The following MICU1 variants were observed in gnomAD, a reference collection of about 807,000 sequenced individuals.
MICU1 encodes calcium uptake protein 1, mitochondrial.
MICU1 carries 45 observed loss-of-function variants against 56.8 expected under a neutral mutation model. The observed-to-expected ratio is 0.79, with a 90% confidence interval of 0.62 to 1.02. The LOEUF (loss-of-function observed/expected upper bound fraction) is 1.02, where lower values mean the gene tolerates loss of function less well. MICU1 is among the 50% of genes least tolerant of loss of function. The pLI, the probability that MICU1 is intolerant of heterozygous loss-of-function variation, is 0.00. For missense variants in MICU1, 504 were observed against 587.1 expected, an observed-to-expected ratio of 0.86 and a Z score of 1.46; for synonymous variants, 186 against 195.1, an observed-to-expected ratio of 0.95 and a Z score of 0.39.
chr10:72,396,553 T>C (rs898927612), intron 10 of MICU1, among the ~76,000 whole-genome samples: 2 of 152,090 alleles, frequency 1.3e-5, no homozygotes, highest in African/African-American at 2.4e-5. Flanking sequence ...ATTAGACGAA[T>C]GGCTAATTAG....
intron 8 of MICU1, among the ~76,000 whole-genome samples, chr10:72,432,796 A>G (rs1564864898): frequency 6.6e-6 from 1 of 152,170 alleles, no homozygotes; most frequent in East Asian, 1.9e-4. Flanking sequence ...AGCCTCCAAC[A>G]TTGCGGGGGT....
At chr10:72,375,571 T>G (rs571528389) in intron 11 of MICU1, among the ~76,000 whole-genome samples, 37 of 152,314 alleles carry the variant, frequency 2.4e-4, no homozygotes, top group African/African-American at 8.7e-4. Flanking sequence ...ATTGGAATTA[T>G]AAGAAGAAGA....
chr10:72,553,395 G>A (rs746760508), intron 3 of MICU1, among the ~76,000 whole-genome samples: 37 of 152,062 alleles, frequency 2.4e-4, no homozygotes, highest in African/African-American at 5.1e-4. Flanking sequence ...CACCACGCCC[G>A]GCTAATTTTT....
chr10:72,369,568 G>A (rs1862257830), intron 11 of MICU1, among the ~76,000 whole-genome samples: 1 of 152,176 alleles, frequency 6.6e-6, no homozygotes, highest in East Asian at 1.9e-4. Context: ...GAGAGATGGT[G>A]AGGGGGTTTC....
intron 5 of MICU1, among the ~76,000 whole-genome samples, chr10:72,524,276 GT>G (rs1867905670): frequency 6.6e-6 from 1 of 152,006 alleles, no homozygotes; most frequent in African/African-American, 2.4e-5. Context: ...GCTTTTAAAT[GT>G]TTTCATAGAG....
At chr10:72,503,274 A>G (rs1867136853) in intron 6 of MICU1, among the ~76,000 whole-genome samples, 1 of 152,240 alleles carries the variant, frequency 6.6e-6, no homozygotes, top group African/African-American at 2.4e-5. Flanking sequence ...ATGAACCCAA[A>G]GACAAGAAAC....
At position 72,585,942 on chromosome 10, in the gene MICU1, GTTA is replaced by G. The variant is rs531650013; in HGVS notation, c.-1-19151_-1-19149del. Among the ~76,000 whole-genome samples the G allele has an allele frequency of 2.5e-3, 356 of 141,694 alleles. 1 individual carries two copies. The highest frequency in any genetic ancestry group is 6.6e-3 in the Admixed American group (93 of 14,194). The allele number at this position is 141,694 out of a possible 152,430, so 93.0% of individuals were successfully genotyped here. On this transcript the variant is annotated intron_variant, in intron 1 of 11. Coordinates refer to ENST00000361114, the MANE Select transcript of MICU1 (RefSeq NM_001195518.2). ...ATACAATGTAAATACTACGTAAATAGTTATTATACATTGTATTTTTAATTTGTA... is the reference window on the plus strand; with the variant it reads ...ATACAATGTAAATACTACGTAAATAGTTATACATTGTATTTTTAATTTGTA...
intron 6 of MICU1, among the ~76,000 whole-genome samples, chr10:72,505,996 C>A (rs1473476237): frequency 2.3e-4 from 32 of 138,360 alleles, no homozygotes; most frequent in African/African-American, 3.0e-4. Context: ...AACAAGCAAG[C>A]AAAAAAAAAA....
At chr10:72,529,428 T>C (rs1337202341) in intron 5 of MICU1, among the ~76,000 whole-genome samples, 1 of 152,184 alleles carries the variant, frequency 6.6e-6, no homozygotes, top group Non-Finnish European at 1.5e-5. Context: ...TTGAAAATAG[T>C]GTATAAACTA....
At chr10:72,576,225 C>CAAAAAAAAAAAAAAAAA (rs34829939) in intron 1 of MICU1, among the ~76,000 whole-genome samples, 7 of 68,184 alleles carry the variant, frequency 1.0e-4, no homozygotes, top group Admixed American at 3.9e-4. Flanking sequence ...AAAAAAACAC[C>CAAAAAAAAAAAAAAAAA]AAAAAAAAAA....
At chr10:72,373,676 AAAAGGGGGGACTTGAG>A (rs1307663983) in intron 11 of MICU1, among the ~76,000 whole-genome samples, 1 of 152,192 alleles carries the variant, frequency 6.6e-6, no homozygotes, top group Admixed American at 6.5e-5. Context: ...ACTTCTAGGG[AAAAGGGGGGACTTGAG>A]AAGCTAGTTG....
intron 8 of MICU1, among the ~76,000 whole-genome samples, chr10:72,455,350 CAAAAAAAAAAA>C (rs56378605): frequency 9.0e-5 from 4 of 44,204 alleles, no homozygotes; most frequent in Non-Finnish European, 1.7e-4. Flanking sequence ...GACTCTGTCT[CAAAAAAAAAAA>C]AAAAAAAAAA....
intron 10 of MICU1, among the ~76,000 whole-genome samples, chr10:72,388,103 C>T (rs1862952421): frequency 6.6e-6 from 1 of 152,150 alleles, no homozygotes; most frequent in Non-Finnish European, 1.5e-5. Context: ...CAGGTTTGAA[C>T]TTAAAACCAA....
chr10:72,472,287 C>T (rs1865975242), intron 8 of MICU1, among the ~76,000 whole-genome samples: 1 of 152,152 alleles, frequency 6.6e-6, no homozygotes, highest in Admixed American at 6.5e-5. Flanking sequence ...TATTTAGAAA[C>T]TGAGGTATTA....
At chr10:72,619,671 C>T (rs764867626) in intron 1 of MICU1, among the ~76,000 whole-genome samples, 1 of 152,090 alleles carries the variant, frequency 6.6e-6, no homozygotes, top group Non-Finnish European at 1.5e-5. Context: ...TTATGAGAAC[C>T]AACAAGGAAA....
At chr10:72,411,188 A>C (rs545499650) in intron 9 of MICU1, among the ~76,000 whole-genome samples, 2 of 152,266 alleles carry the variant, frequency 1.3e-5, no homozygotes, top group African/African-American at 4.8e-5. Context: ...GGTTGTCAGG[A>C]GCTGGGAGGA....
intron 6 of MICU1, among the ~76,000 whole-genome samples, chr10:72,500,302 A>ATTTTTTTTTTTTTT (rs542725786): frequency 9.4e-5 from 1 of 10,678 alleles, no homozygotes; most frequent in Non-Finnish European, 2.9e-4. Context: ...ATATATATAT[A>ATTTTTTTTTTTTTT]TTTTTTTTTT....
chr10:72,586,375 G>A (rs1195487860), intron 1 of MICU1, among the ~76,000 whole-genome samples: 1 of 151,992 alleles, frequency 6.6e-6, no homozygotes, highest in Non-Finnish European at 1.5e-5. Flanking sequence ...TAAAGGCCAG[G>A]CACTGTGGCT....
chr10:72,471,491 G>A lies in MICU1; in HGVS notation c.933+3609C>T, dbSNP rs142378728. 6.6e-3 allele frequency among the ~76,000 whole-genome samples: 999 copies of A among 152,348 alleles called. 5 individuals are homozygous for A. Among genetic ancestry groups the A allele is most frequent in the Middle Eastern group, 0.017 (5 of 294 alleles). On this transcript the variant is annotated intron_variant, in intron 8 of 11. Coordinates refer to ENST00000361114, the MANE Select transcript of MICU1 (RefSeq NM_001195518.2). ...CTCTCATTTGTGTTTCTAGGAACAA[G>A]TGTTGGTTTAGATTGTGGTCAGGCT...
Sources: allele counts gnomAD v4.1 joint callset (sites outside exome capture counted in the v4.1 genomes callset), GRCh38; gene constraint gnomAD v4.1.1; transcripts MANE v1.5; gene names NCBI Gene and HGNC (gene_info 2026-07-23, HGNC 2026-07-21).